Variants in CNKSR2 observed in about 807,000 individuals in gnomAD.
The protein encoded by CNKSR2 is CNK homolog protein 2.
Under a neutral mutation model 84.4 loss-of-function variants are expected in CNKSR2, and 14 were observed. The observed-to-expected ratio is 0.17, with a 90% CI of 0.11 to 0.26. The LOEUF is 0.26. Among genes scored for constraint, CNKSR2 ranks in the 10% least tolerant of loss-of-function variants. The pLI is 1.00. For missense variants in CNKSR2, 485 were observed against 771.2 expected (o/e 0.63, Z 4.40); for synonymous variants, 275 against 277.9 (o/e 0.99, Z 0.10).
intron 20 of CNKSR2, among the ~76,000 whole-genome samples, chrX:21,639,731 C>G (rs1227652096): frequency 1.8e-5 from 2 of 111,762 alleles, no homozygotes; most frequent in African/African-American, 6.5e-5. Flanking sequence ...ATTGCTGTTA[C>G]TCCAACCAGC....
intron 11 of CNKSR2, among the ~76,000 whole-genome samples, chrX:21,544,462 T>C (rs1387684990): frequency 4.5e-5 from 5 of 111,659 alleles, no homozygotes; most frequent in African/African-American, 1.6e-4. Context: ...AATAGTATAT[T>C]ATATAAAATA....
chrX:21,429,390 G>A (rs2090606037), intron 2 of CNKSR2: 1 of 111,542 alleles, frequency 9.0e-6, no homozygotes, highest in Admixed American at 9.5e-5. Flanking sequence ...GCAAATCTGT[G>A]GTGAATAAAC....
intron 13 of CNKSR2, among the ~76,000 whole-genome samples, chrX:21,566,335 A>C (rs755261585): frequency 2.7e-5 from 3 of 112,425 alleles, no homozygotes; most frequent in Admixed American, 9.4e-5. Context: ...ACATACGCTT[A>C]AATAATAGCT....
intron 1 of CNKSR2, among the ~76,000 whole-genome samples, chrX:21,419,366 T>A (rs1334603240): frequency 9.0e-6 from 1 of 111,440 alleles, no homozygotes; most frequent in Non-Finnish European, 1.9e-5. Context: ...ACCTGAAATG[T>A]CACATATCTT....
chrX:21,454,208 T>C (rs746343902), intron 4 of CNKSR2, among the ~76,000 whole-genome samples: 2 of 111,805 alleles, frequency 1.8e-5, no homozygotes, highest in Non-Finnish European at 3.8e-5. Context: ...CTAAAAGTCA[T>C]ATAGGTTATA....
chrX:21,464,924 A>C (rs1353976934), intron 4 of CNKSR2, among the ~76,000 whole-genome samples: 1 of 112,346 alleles, frequency 8.9e-6, no homozygotes, highest in East Asian at 2.8e-4. Context: ...GCTCTCCATA[A>C]TATGCCCCAT....
intron 11 of CNKSR2, among the ~76,000 whole-genome samples, chrX:21,542,036 T>TAACA (rs1404319228): frequency 8.9e-6 from 1 of 112,420 alleles, no homozygotes; most frequent in African/African-American, 3.2e-5. Flanking sequence ...TTGGATTTAC[T>TAACA]AACACTATAA....
intron 10 of CNKSR2, 104 bp downstream of exon 10, chrX:21,527,104 C>T: frequency 2.8e-6 from 2 of 718,478 alleles, no homozygotes; most frequent in Non-Finnish European, 4.1e-6. Flanking sequence ...AATATTTTCT[C>T]ACAGTTAGGA....
chrX:21,466,211 C>A (rs1479000204), intron 4 of CNKSR2, among the ~76,000 whole-genome samples: 1 of 111,571 alleles, frequency 9.0e-6, no homozygotes, highest in Non-Finnish European at 1.9e-5. Flanking sequence ...TTAATTCTAA[C>A]CTAAAAATAA....
chrX:21,497,386 T>C (rs1188332504), intron 6 of CNKSR2, among the ~76,000 whole-genome samples: 1 of 111,993 alleles, frequency 8.9e-6, no homozygotes, highest in East Asian at 2.8e-4. Context: ...TTGTATAATA[T>C]ATCAAGTATA....
At chrX:21,398,371 G>A (rs1210253452) in intron 1 of CNKSR2, among the ~76,000 whole-genome samples, 1 of 111,896 alleles carries the variant, frequency 8.9e-6, no homozygotes, top group Non-Finnish European at 1.9e-5. Flanking sequence ...TAATGTCATT[G>A]TATGATTTTT....
rs372048869 is a variant in CNKSR2, at chrX:21,608,963, G to A, written c.2146-108G>A. 118 of 1,067,599 alleles carry A rather than the reference G, an allele frequency of 1.1e-4. 1 individual carries two copies. The South Asian group carries it at 1.2e-3, about 11-fold the overall frequency. 88.0% of individuals were successfully genotyped at this position (1,067,599 alleles called of 1,213,427 possible). On this transcript the variant is annotated intron_variant, in intron 19 of 21. Transcript: ENST00000379510. ...CTTGCCTAGTCATTAACATGACTAC[G>A]TAAGAGTTCATCTACTTAAATATTA... is the stretch of plus-strand genomic sequence containing the variant.
chrX:21,472,295 C>T (rs369550008), intron 5 of CNKSR2, among the ~76,000 whole-genome samples: 3 of 111,904 alleles, frequency 2.7e-5, no homozygotes, highest in East Asian at 5.6e-4. Context: ...TTACTGAATT[C>T]GACTTTGGTA....
intron 5 of CNKSR2, among the ~76,000 whole-genome samples, chrX:21,471,865 C>A (rs1181234893): frequency 9.0e-6 from 1 of 111,702 alleles, no homozygotes; most frequent in Non-Finnish European, 1.9e-5. Context: ...CGTTGATCTA[C>A]CTGTAGGGCC....
At chrX:21,470,117 G>A (rs1179266300) in intron 4 of CNKSR2, among the ~76,000 whole-genome samples, 1 of 111,554 alleles carries the variant, frequency 9.0e-6, no homozygotes, top group Non-Finnish European at 1.9e-5. Flanking sequence ...AGATCAGTTT[G>A]TTGTATTACT....
At chrX:21,516,660 C>A (rs747093809) in intron 9 of CNKSR2, 29 bp downstream of exon 9, 2 of 1,168,534 alleles carry the variant, frequency 1.7e-6, no homozygotes, top group Admixed American at 4.5e-5. Context: ...AAGTCATACA[C>A]CATCATTTTA....
chrX:21,483,648 A>G (rs1643429652), intron 5 of CNKSR2, among the ~76,000 whole-genome samples: 1 of 107,156 alleles, frequency 9.3e-6, no homozygotes, highest in Admixed American at 1.0e-4. Flanking sequence ...GAGAATGTGT[A>G]TATGGAATAA....
At chrX:21,472,667 A>G (rs2091212537) in intron 5 of CNKSR2, among the ~76,000 whole-genome samples, 1 of 111,762 alleles carries the variant, frequency 8.9e-6, no homozygotes, top group African/African-American at 3.2e-5. Context: ...TCAATATTCA[A>G]ATATCAACAA....
chrX:21,410,659 A>G (rs189144061), intron 1 of CNKSR2, among the ~76,000 whole-genome samples: 2 of 111,786 alleles, frequency 1.8e-5, no homozygotes, highest in Non-Finnish European at 3.8e-5. Flanking sequence ...GCTTTATTTT[A>G]ACTTTAATAT....
Sources: allele counts gnomAD v4.1 joint callset (sites outside exome capture counted in the v4.1 genomes callset), GRCh38; gene constraint gnomAD v4.1.1; transcripts MANE v1.5; gene names NCBI Gene and HGNC (gene_info 2026-07-23, HGNC 2026-07-21).